The following AGAP5 variants were observed in gnomAD, a reference collection of about 807,000 sequenced individuals.
AGAP5 encodes the protein arf-GAP with GTPase, ANK repeat and PH domain-containing protein 5.
Under a neutral mutation model 27.7 loss-of-function variants are expected in AGAP5, and 8 were observed. The observed-to-expected ratio is 0.29, with a 90% CI of 0.17 to 0.52. AGAP5 has a LOEUF of 0.52. Ranked by LOEUF, AGAP5 falls within the 20% of genes least tolerant of loss-of-function variation. The pLI is 0.97. For missense variants in AGAP5, 285 were observed against 880.8 expected (o/e 0.32, Z 8.56); for synonymous variants, 111 against 338.0 (o/e 0.33, Z 7.37).
At chr10:73,695,594 T>G (rs550108457) in intron 2 of AGAP5, among the ~76,000 whole-genome samples, 2 of 152,380 alleles carry the variant, frequency 1.3e-5, no homozygotes, top group South Asian at 4.1e-4. Context: ...TTAATTCACA[T>G]AATACATTTG....
At chr10:73,694,702 C>T in intron 3 of AGAP5, 34 bp downstream of exon 3, 2 of 1,595,526 alleles carry the variant, frequency 1.3e-6, no homozygotes, top group South Asian at 2.2e-5. Context: ...AGCTTTTATT[C>T]TTTCTCTTGG....
rs2082178596 is a variant in AGAP5 at position 73,697,968 on chromosome 10, C to T, written c.-213G>A. On this transcript the variant is annotated 5_prime_UTR_variant, in exon 1 of 8. Coordinates refer to ENST00000374094, the MANE Select transcript of AGAP5 (RefSeq NM_001144000.4). ...GTCAAGGCCCACACCCTGCTGCCTC[C>T]CCTGAGTTGACTTGTCTGGGAGGGT... 13 of 1,496,562 alleles carry T rather than the reference C, an allele frequency of 8.7e-6. No individual in the cohort carries two copies. The highest frequency in any genetic ancestry group is 1.1e-5 in the Non-Finnish European group (12 of 1,127,848). 92.7% of individuals were successfully genotyped at this position (1,496,562 alleles called of 1,614,324 possible). A position where few individuals can be genotyped will look rare whatever the true frequency, so the allele number is the denominator to read the frequency against.
chr10:73,690,927 C>T (rs1379855422), intron 4 of AGAP5, among the ~76,000 whole-genome samples: 5 of 152,250 alleles, frequency 3.3e-5, no homozygotes, highest in African/African-American at 9.6e-5. Context: ...AAGAAAGTTG[C>T]CCCCCAAACA....
chr10:73,692,662 A>C (rs1182580194), intron 3 of AGAP5, among the ~76,000 whole-genome samples: 1 of 83,102 alleles, frequency 1.2e-5, no homozygotes, highest in Non-Finnish European at 2.2e-5. Context: ...TTTTTTTTTG[A>C]GATAGAGTCT....
At chr10:73,694,595 T>C in intron 3 of AGAP5, 141 bp downstream of exon 3, 1 of 1,442,326 alleles carries the variant, frequency 6.9e-7, no homozygotes. Flanking sequence ...GGAAAGTATA[T>C]CACATATTAA....
intron 4 of AGAP5, among the ~76,000 whole-genome samples, chr10:73,689,589 C>T (rs1184076220): frequency 6.6e-6 from 1 of 151,548 alleles, no homozygotes; most frequent in Non-Finnish European, 1.5e-5. Context: ...TGAGGAGAGT[C>T]TCTGCCCGGC....
In AGAP5 at chr10:73,689,486, C is replaced by T. The variant is rs1435594161; in HGVS notation, c.396+2557G>A. Among the ~76,000 whole-genome samples the T allele has an allele frequency of 3.3e-5, 5 of 151,554 alleles. No homozygotes were observed. In the South Asian group the frequency reaches 1.0e-3, roughly 32 times the overall value. ...GTGAGGAGCCCCTCTGCCTGGCTGC[C>T]CAGTCTGGAAAGTGAGGAGCGTCTC... is the stretch of plus-strand genomic sequence containing the variant. On this transcript the variant is annotated intron_variant, in intron 4 of 7. Coordinates refer to ENST00000374094, the MANE Select transcript of AGAP5 (RefSeq NM_001144000.4).
At chr10:73,678,922 C>T (rs2082002112) in intron 6 of AGAP5, among the ~76,000 whole-genome samples, 2 of 151,632 alleles carry the variant, frequency 1.3e-5, no homozygotes, top group South Asian at 4.2e-4. Context: ...GGCGAGATCT[C>T]GGCTCACTGC....
Position 73,674,704 on chromosome 10 carries a change from G to T in AGAP5, c.1956C>A (p.Ala652=), listed in dbSNP as rs778034317. 1.2e-6 allele frequency: 2 copies of T among 1,611,982 alleles called. No homozygotes were observed. The highest frequency in any genetic ancestry group is 3.3e-5 in the Admixed American group (2 of 60,020). ...LLIWYGVDVM[A]RDAHGNTALT... ...GCGCTGTGTTCCCGTGGGCATCTCG[G>T]GCCATGACGTCCACCCCGTACCAGA... The change falls in exon 8 of 8, where the codon GCC becomes GCA. Residue 652 remains alanine (A), a synonymous_variant. Transcript: ENST00000374094.
chr10:73,694,239 A>C (rs2082142404), intron 3 of AGAP5, among the ~76,000 whole-genome samples: 2 of 152,214 alleles, frequency 1.3e-5, no homozygotes, highest in South Asian at 4.1e-4. Flanking sequence ...AGTAGCATAA[A>C]CTTGGATGTG....
intron 4 of AGAP5, 85 bp downstream of exon 4, chr10:73,691,958 G>C: frequency 8.3e-7 from 1 of 1,207,832 alleles, no homozygotes; most frequent in Non-Finnish European, 1.1e-6. Context: ...CCACCACCAG[G>C]TCCACATTGT....
intron 6 of AGAP5, among the ~76,000 whole-genome samples, chr10:73,678,038 C>T (rs1349770914): frequency 9.9e-5 from 15 of 151,944 alleles, no homozygotes; most frequent in African/African-American, 2.7e-4. Context: ...TTAAAGAATC[C>T]GTGATTTAAC....
At chr10:73,686,797 C>T (rs548661895) in intron 4 of AGAP5, among the ~76,000 whole-genome samples, 13 of 152,248 alleles carry the variant, frequency 8.5e-5, no homozygotes, top group Non-Finnish European at 1.5e-4. Flanking sequence ...ACCACCTCAG[C>T]CATAATAAGG....
chr10:73,674,948 T>A lies in AGAP5; in HGVS notation c.1712A>T (p.Tyr571Phe), dbSNP rs1469960532. The change falls in exon 8 of 8, where the codon TAT becomes TTT. Residue 571 changes from tyrosine (Y) to phenylalanine (F), a missense_variant. Physicochemically the swap from Tyr to Phe is conservative, Grantham distance 22 (BLOSUM62 3). Transcript: ENST00000374094. ...EEKERWIRSK[Y>F]EEKLFLAPLP... ...TGGGGCCAGAAAGAGCTTCTCCTCA[T>A]ATTTGGAACGGATCCACCGTTCCTT... The A allele has an allele frequency of 6.2e-7, 1 of 1,612,868 alleles. No homozygotes were observed. Among genetic ancestry groups the A allele is most frequent in the African/African-American group, 1.3e-5 (1 of 74,872 alleles).
At chr10:73,691,550 T>C (rs948317281) in intron 4 of AGAP5, among the ~76,000 whole-genome samples, 1 of 151,002 alleles carries the variant, frequency 6.6e-6, no homozygotes, top group African/African-American at 2.4e-5. Flanking sequence ...TGGAGTGCAA[T>C]GGCGCGATCT....
intron 4 of AGAP5, among the ~76,000 whole-genome samples, chr10:73,688,334 A>G (rs892006853): frequency 2.0e-5 from 3 of 152,164 alleles, no homozygotes; most frequent in African/African-American, 7.2e-5. Context: ...AGGTCTCCCA[A>G]ATGAAAAGCT....
chr10:73,696,068 A>C (rs2082159341), intron 2 of AGAP5, among the ~76,000 whole-genome samples: 1 of 151,540 alleles, frequency 6.6e-6, no homozygotes, highest in African/African-American at 2.4e-5. Context: ...GCTGGAGTGC[A>C]TTGGCGTGAT....
At chr10:73,695,432 A>C (rs2082153315) in intron 2 of AGAP5, among the ~76,000 whole-genome samples, 1 of 152,238 alleles carries the variant, frequency 6.6e-6, no homozygotes, top group African/African-American at 2.4e-5. Flanking sequence ...GTAATCCTAA[A>C]GAATGACAAT....
At chr10:73,694,933 T>A in intron 2 of AGAP5, 129 bp from the exon 3 acceptor site, 1 of 1,525,576 alleles carries the variant, frequency 6.6e-7, no homozygotes, top group Non-Finnish European at 8.8e-7. Context: ...TTGAAATGAA[T>A]GTATAGACAT....
Sources: allele counts gnomAD v4.1 joint callset (sites outside exome capture counted in the v4.1 genomes callset), GRCh38; gene constraint gnomAD v4.1.1; transcripts MANE v1.5; gene names NCBI Gene and HGNC (gene_info 2026-07-23, HGNC 2026-07-21).